The following NKX6-3 variants were observed in gnomAD, a reference collection of about 807,000 sequenced individuals.
NKX6-3 encodes the protein homeobox protein Nkx-6.3.
NKX6-3 carries 17 observed loss-of-function variants against 22.0 expected under a neutral mutation model. That is an observed-to-expected ratio of 0.77 (90% confidence interval 0.53 to 1.16). The LOEUF (loss-of-function observed/expected upper bound fraction) is 1.16, where lower values mean the gene tolerates loss of function less well. NKX6-3 is among the 50% of genes most tolerant of loss of function. NKX6-3 has a pLI of 0.00. For synonymous variants in NKX6-3, 177 were observed against 167.2 expected (o/e 1.06, Z -0.45); for missense variants, 363 against 359.0 (o/e 1.01, Z -0.09).
Position 41,646,201 on chromosome 8 carries a change from T to C in NKX6-3, c.*248A>G. 1.7e-6 allele frequency: 1 copy of C among 583,838 alleles called. No homozygotes were observed. The highest frequency in any genetic ancestry group is 3.0e-6 in the Non-Finnish European group (1 of 333,482). The allele number at this position is 583,838 out of a possible 1,614,324, so 36.2% of individuals were successfully genotyped here. A position where few individuals can be genotyped will look rare whatever the true frequency, so the allele number is the denominator to read the frequency against. ...GGCAGCGGCTTCCAGGTCTCAGGAG[T>C]GCTGTGCCTCCCTCCTGGCCTCCTC... On this transcript the variant is annotated 3_prime_UTR_variant, in exon 3 of 3. Coordinates refer to ENST00000518699, the MANE Select transcript of NKX6-3 (RefSeq NM_001364841.2).
intron 2 of NKX6-3, chr8:41,647,459 C>CCCCCTAA: frequency 2.4e-6 from 3 of 1,249,894 alleles, no homozygotes; most frequent in Non-Finnish European, 3.3e-6. Context: ...ATTTAGGGGG[C>CCCCCTAA]ATTTGGGGCC....
rs372407945 is a variant in NKX6-3 at position 41,650,373 on chromosome 8, G to A, written c.120C>T (p.Pro40=). The A allele has an allele frequency of 5.8e-5, 89 of 1,535,208 alleles. No homozygotes were observed. In the African/African-American group the frequency reaches 7.1e-4, roughly 12 times the overall value. ...SVQNSFYKLS[P]PGLGPQLAAG... Reference sequence around the variant, plus strand: ...CGGCCAGCTGGGGGCCCAGCCCTGGGGGGCTGAGCTTGTAGAAGGAGTTCT... The same window carrying A: ...CGGCCAGCTGGGGGCCCAGCCCTGGAGGGCTGAGCTTGTAGAAGGAGTTCT... The change falls in exon 1 of 3, where the codon CCC becomes CCT. Residue 40 remains proline, a synonymous_variant. Coordinates refer to ENST00000518699, the MANE Select transcript of NKX6-3 (RefSeq NM_001364841.2).
chr8:41,646,847 C>G (rs1392740255), intron 2 of NKX6-3, among the ~76,000 whole-genome samples, 153 bp from the exon 3 acceptor site: 1 of 150,098 alleles, frequency 6.7e-6, no homozygotes, highest in Non-Finnish European at 1.5e-5. Context: ...AATTTAAAAA[C>G]GTGAGCGCGG....
chr8:41,646,056 T>C lies in NKX6-3; in HGVS notation c.*393A>G, dbSNP rs1804193455. 1 of 220,740 alleles carries C rather than the reference T, an allele frequency of 4.5e-6. No individual in the cohort carries two copies. The highest frequency in any genetic ancestry group is 1.2e-4 in the East Asian group (1 of 8,066). 13.7% of individuals were successfully genotyped at this position (220,740 alleles called of 1,614,324 possible). On this transcript the variant is annotated 3_prime_UTR_variant, in exon 3 of 3. Transcript: ENST00000518699. ...CACTCCCCCCGCCCCAACAGCTGGA[T>C]CACAGTGGCATGTCTGGGACCCCAC...
In NKX6-3 at chr8:41,645,687, G is replaced by GTT. The variant is rs1341781443; in HGVS notation, c.*761_*762insAA. 1 of 152,448 alleles carries GTT rather than the reference G, an allele frequency of 6.6e-6. No individual in the cohort carries two copies. Among genetic ancestry groups the GTT allele is most frequent in the Non-Finnish European group, 1.5e-5 (1 of 68,182 alleles). 9.4% of individuals were successfully genotyped at this position (152,448 alleles called of 1,614,324 possible). A position where few individuals can be genotyped will look rare whatever the true frequency, so the allele number is the denominator to read the frequency against. ...ACCCTCCCCTTTTCCCCGGCTGTCA[G>GTT]GATGAGGAGGGCACAGCGGTCTCAG... is the stretch of plus-strand genomic sequence containing the variant. On this transcript the variant is annotated 3_prime_UTR_variant, in exon 3 of 3. Transcript: ENST00000518699.
chr8:41,646,266 C>T lies in NKX6-3; in HGVS notation c.*183G>A. On this transcript the variant is annotated 3_prime_UTR_variant, in exon 3 of 3. Transcript: ENST00000518699. ...ATGCCTGTCCCCTTTCCCTCCTTTT[C>T]CTCCTCCTCCCCCGCCTCCCCTCCT... is the stretch of plus-strand genomic sequence containing the variant. 1.3e-6 allele frequency: 1 copy of T among 778,638 alleles called. No individual in the cohort carries two copies. The highest frequency in any genetic ancestry group is 2.0e-6 in the Non-Finnish European group (1 of 499,868). The allele number at this position is 778,638 out of a possible 1,614,324, so 48.2% of individuals were successfully genotyped here. A position where few individuals can be genotyped will look rare whatever the true frequency, so the allele number is the denominator to read the frequency against.
chr8:41,646,294 T>C lies in NKX6-3; in HGVS notation c.*155A>G. ...CCTCCTCCCCCGCCTCCCCTCCTCC[T>C]CCCCTGCACCTGCTGCTCCTCCTCC... On this transcript the variant is annotated 3_prime_UTR_variant, in exon 3 of 3. Transcript: ENST00000518699. The C allele has an allele frequency of 1.3e-5, 12 of 934,902 alleles. No individual in the cohort carries two copies. The Admixed American group carries it at 1.5e-4, about 12-fold the overall frequency. 57.9% of individuals were successfully genotyped at this position (934,902 alleles called of 1,614,324 possible).
chr8:41,647,703 G>A (rs1394569527), intron 2 of NKX6-3, among the ~76,000 whole-genome samples: 1 of 152,092 alleles, frequency 6.6e-6, no homozygotes, highest in Admixed American at 6.5e-5. Flanking sequence ...GGGGGGAGAG[G>A]GAAAGCCTCA....
At position 41,649,247 on chromosome 8, in the gene NKX6-3, T is replaced by C. The variant is rs1804267267; in HGVS notation, c.382+864A>G. Among the ~76,000 whole-genome samples, 5 of 152,022 alleles carry C rather than the reference T, an allele frequency of 3.3e-5. No individual in the cohort carries two copies. The South Asian group carries it at 1.0e-3, about 32-fold the overall frequency. ...GCAGAGTAGCAAATGGGGGGACAGG[T>C]GTGCTTTTGGGGTTCCCTAGGTTGG... On this transcript the variant is annotated intron_variant, in intron 1 of 2. Transcript: ENST00000518699.
chr8:41,649,689 T>C (rs1486914734), intron 1 of NKX6-3, among the ~76,000 whole-genome samples: 2 of 152,178 alleles, frequency 1.3e-5, no homozygotes, highest in African/African-American at 4.8e-5. Flanking sequence ...CAGGGCTCTC[T>C]GGGAAGGTGA....
intron 2 of NKX6-3, chr8:41,647,376 C>T (rs528843790): frequency 6.5e-7 from 1 of 1,535,866 alleles, no homozygotes. Flanking sequence ...GTCGCCGAGT[C>T]ACTGAGCCAG....
At chr8:41,649,999 G>A (rs1163982556) in intron 1 of NKX6-3, 112 bp downstream of exon 1, 3 of 1,187,590 alleles carry the variant, frequency 2.5e-6, no homozygotes, top group African/African-American at 1.5e-5. Flanking sequence ...GGTTAATGGC[G>A]ACTGGGGGAG....
chr8:41,649,039 G>A (rs527494450), intron 1 of NKX6-3, among the ~76,000 whole-genome samples: 11 of 152,346 alleles, frequency 7.2e-5, no homozygotes, highest in African/African-American at 2.6e-4. Flanking sequence ...GGACTGAAGA[G>A]GTGGTGTGTG....
In NKX6-3 at chr8:41,650,366, G is replaced by C; in HGVS notation, c.127C>G (p.Leu43Val). 1 of 1,535,406 alleles carries C rather than the reference G, an allele frequency of 6.5e-7. No homozygotes were observed. The highest frequency in any genetic ancestry group is 1.2e-5 in the South Asian group (1 of 84,006). ...NSFYKLSPPG[L>V]GPQLAAGTPH... ...GTTCCGGCGGCCAGCTGGGGGCCCA[G>C]CCCTGGGGGGCTGAGCTTGTAGAAG... Residue 43 changes from leucine to valine, a missense_variant, in exon 1 of 3, where the codon CTG (leucine) becomes GTG (valine). Physicochemically the swap from Leu to Val is conservative, Grantham distance 32. Transcript: ENST00000518699.
chr8:41,646,514 G>A lies in NKX6-3; in HGVS notation c.733C>T (p.Arg245Cys), dbSNP rs1451709679. 2.5e-6 allele frequency: 4 copies of A among 1,612,118 alleles called. No homozygotes were observed. In the Admixed American group the frequency reaches 5.0e-5, roughly 20 times the overall value. Reference protein sequence around the residue: ...LDPDSDDEKIRLLLRKHRAAF... With the variant: ...LDPDSDDEKICLLLRKHRAAF... ...GCGCGGTGCTTGCGCAGCAGCAGGC[G>A]GATCTTCTCGTCGTCCGAGTCGGGG... Residue 245 changes from arginine (R) to cysteine (C), a missense_variant, in exon 3 of 3, where the codon CGC becomes TGC. Transcript: ENST00000518699.
chr8:41,646,664 G>A lies in NKX6-3; in HGVS notation c.583C>T (p.Arg195Trp). 1 of 1,544,416 alleles carries A rather than the reference G, an allele frequency of 6.5e-7. No homozygotes were observed. The highest frequency in any genetic ancestry group is 2.4e-5 in the East Asian group (1 of 40,936). ...GAGGGCTCCAGGGCGCTCTTCTTCC[G>A]CCACTTGGTCCTGCGGTTCTGGAAC... ...VWFQNRRTKW[R>W]KKSALEPSSS... is the part of the protein sequence containing the mutation. The change falls in exon 3 of 3, where the codon CGG becomes TGG. Residue 195 changes from arginine (R) to tryptophan (W), a missense_variant. Physicochemically the swap from Arg to Trp is moderately radical, Grantham distance 101. Around this residue, in one of 3 missense-constraint regions of NKX6-3, gnomAD observed 169 missense variants for 155.8 expected, o/e 1.08. Coordinates refer to ENST00000518699, the MANE Select transcript of NKX6-3 (RefSeq NM_001364841.2).
chr8:41,647,973 C>T lies in NKX6-3; in HGVS notation c.552+93G>A. 3.4e-6 allele frequency: 4 copies of T among 1,183,154 alleles called. No homozygotes were observed. In the South Asian group the frequency reaches 4.6e-5, roughly 14 times the overall value. 73.3% of individuals were successfully genotyped at this position (1,183,154 alleles called of 1,614,324 possible). The stretch of plus-strand genomic sequence containing the variant: ...ACCAGGACAGCTGCCCTCTGGGGGG[C>T]TGCGTTGTGTGGCCACCTCTCTCCA... On this transcript the variant is annotated intron_variant, in intron 2 of 2. Transcript: ENST00000518699.
chr8:41,648,142 T>C lies in NKX6-3; in HGVS notation c.476A>G (p.Glu159Gly), dbSNP rs1804249274. The C allele has an allele frequency of 6.5e-7, 1 of 1,538,480 alleles. No individual in the cohort carries two copies. The highest frequency in any genetic ancestry group is 1.2e-5 in the South Asian group (1 of 84,050). The part of the protein sequence containing the change: ...HQIFALEKTF[E>G]QTKYLAGPER... ...GGGGCCAGCCAAGTACTTGGTCTGC[T>C]CAAAGGTTTTCTCCAGGGCAAAGAT... The change falls in exon 2 of 3, where the codon GAG (glutamate) becomes GGG (glycine). Residue 159 changes from glutamate (E) to glycine (G), a missense_variant. Around this residue, in one of 3 missense-constraint regions of NKX6-3, gnomAD observed 169 missense variants for 155.8 expected, o/e 1.08. Coordinates refer to ENST00000518699, the MANE Select transcript of NKX6-3 (RefSeq NM_001364841.2).
chr8:41,649,701 C>T (rs1203895777), intron 1 of NKX6-3, among the ~76,000 whole-genome samples: 5 of 152,196 alleles, frequency 3.3e-5, no homozygotes, highest in Non-Finnish European at 7.3e-5. Context: ...GGAAGGTGAG[C>T]TAGGACATTT....
Sources: allele counts gnomAD v4.1 joint callset (sites outside exome capture counted in the v4.1 genomes callset), GRCh38; gene constraint gnomAD v4.1.1; regional missense constraint gnomAD v4.1.1; transcripts MANE v1.5; gene names NCBI Gene and HGNC (gene_info 2026-07-23, HGNC 2026-07-21).